The following MAGI1 variants were observed in gnomAD, a reference collection of about 807,000 sequenced individuals.
MAGI1 encodes the protein membrane-associated guanylate kinase, WW and PDZ domain-containing protein 1.
Under a neutral mutation model 139.9 loss-of-function variants are expected in MAGI1, and 58 were observed. The ratio of observed to expected loss-of-function variants is 0.41; its 90% CI spans 0.34 to 0.52. The LOEUF (loss-of-function observed/expected upper bound fraction) is 0.52, where lower values mean the gene tolerates loss of function less well. MAGI1 is among the 20% of genes least tolerant of loss of function. The pLI is 0.12. For missense variants in MAGI1, 1,874 were observed against 1,901.6 expected, an observed-to-expected ratio of 0.99 and a Z score of 0.27; for synonymous variants, 812 against 737.9, an observed-to-expected ratio of 1.10 and a Z score of -1.63.
intron 2 of MAGI1, among the ~76,000 whole-genome samples, chr3:65,501,409 G>A (rs546829502): frequency 7.0e-5 from 9 of 129,160 alleles, no homozygotes; most frequent in Non-Finnish European, 1.1e-4. Flanking sequence ...AGCTGAGATC[G>A]TGCCACTGCA....
rs72883609 is a variant in MAGI1 at position 65,382,210 on chromosome 3, C to T, written c.2509-141G>A. 29 of 647,356 alleles carry T rather than the reference C, an allele frequency of 4.5e-5. No homozygotes were observed. The African/African-American group carries it at 5.1e-4, about 11-fold the overall frequency. The allele number at this position is 647,356 out of a possible 1,614,324, so 40.1% of individuals were successfully genotyped here. ...ACATTTATTGAGCACCCACTGTGTA[C>T]AAGACATTGTGCTAAGCACTGCAAC... On this transcript the variant is annotated intron_variant, in intron 15 of 22. Transcript: ENST00000402939.
chr3:65,456,678 T>C (rs1949412364), intron 5 of MAGI1, among the ~76,000 whole-genome samples: 1 of 152,158 alleles, frequency 6.6e-6, no homozygotes, highest in South Asian at 2.1e-4. Context: ...CTGAATTATT[T>C]GGGGTTAATT....
chr3:65,957,370 A>AT (rs1239545593), intron 1 of MAGI1, among the ~76,000 whole-genome samples: 2 of 149,154 alleles, frequency 1.3e-5, no homozygotes, highest in African/African-American at 4.9e-5. Context: ...AAAAAAAAAA[A>AT]TTTAGCTGAG....
chr3:65,672,480 T>G (rs2086922366), intron 1 of MAGI1, among the ~76,000 whole-genome samples: 2 of 152,224 alleles, frequency 1.3e-5, no homozygotes, highest in South Asian at 4.1e-4. Context: ...TCACACTTAC[T>G]TTATATACCC....
At chr3:65,530,958 TA>T (rs974484451) in intron 2 of MAGI1, among the ~76,000 whole-genome samples, 2 of 150,668 alleles carry the variant, frequency 1.3e-5, no homozygotes, top group Admixed American at 1.3e-4. Flanking sequence ...GTAGTTCCCA[TA>T]AATTTCTATT....
At chr3:65,408,912 GC>G (rs1357791034) in intron 12 of MAGI1, among the ~76,000 whole-genome samples, 1 of 152,176 alleles carries the variant, frequency 6.6e-6, no homozygotes, top group African/African-American at 2.4e-5. Flanking sequence ...CTTTCACAGC[GC>G]TCACATTCTG....
At chr3:65,631,501 T>C (rs900291790) in intron 1 of MAGI1, among the ~76,000 whole-genome samples, 1 of 152,248 alleles carries the variant, frequency 6.6e-6, no homozygotes, top group African/African-American at 2.4e-5. Context: ...AAATTGTTTC[T>C]ACTTTGATTA....
chr3:65,734,853 T>TG (rs1378048725), intron 1 of MAGI1, among the ~76,000 whole-genome samples: 3 of 36,172 alleles, frequency 8.3e-5, no homozygotes. Flanking sequence ...AAGGAAATGG[T>TG]GGGGGGAGGG....
At chr3:65,577,877 G>A (rs2081242371) in intron 2 of MAGI1, among the ~76,000 whole-genome samples, 1 of 152,194 alleles carries the variant, frequency 6.6e-6, no homozygotes, top group Non-Finnish European at 1.5e-5. Flanking sequence ...AAGGCAGGCA[G>A]AATCAACCAC....
intron 1 of MAGI1, among the ~76,000 whole-genome samples, chr3:65,849,185 G>A (rs953247373): frequency 1.3e-5 from 2 of 151,308 alleles, no homozygotes; most frequent in Non-Finnish European, 2.9e-5. Context: ...CACCACGCCT[G>A]ACTAAGTTTT....
At chr3:65,775,041 A>G (rs1249137764) in intron 1 of MAGI1, among the ~76,000 whole-genome samples, 1 of 152,200 alleles carries the variant, frequency 6.6e-6, no homozygotes, top group East Asian at 1.9e-4. Context: ...TATTTTTATT[A>G]TCATCATCAT....
intron 14 of MAGI1, among the ~76,000 whole-genome samples, chr3:65,384,257 C>G (rs1367296436): frequency 6.6e-6 from 1 of 152,232 alleles, no homozygotes; most frequent in African/African-American, 2.4e-5. Flanking sequence ...TCCTCCATAT[C>G]TGTGGGTTCT....
intron 2 of MAGI1, among the ~76,000 whole-genome samples, 189 bp from the exon 3 acceptor site, chr3:65,493,820 C>T (rs1952229045): frequency 2.0e-5 from 3 of 152,152 alleles, no homozygotes; most frequent in Admixed American, 1.3e-4. Context: ...TTCTCATTTC[C>T]ACACTCTAGT....
At chr3:65,635,702 C>T (rs968558123) in intron 1 of MAGI1, among the ~76,000 whole-genome samples, 2 of 152,206 alleles carry the variant, frequency 1.3e-5, no homozygotes, top group Non-Finnish European at 2.9e-5. Context: ...CATTGGTATT[C>T]CACAGCCTTG....
At chr3:65,756,237 A>C (rs1485013918) in intron 1 of MAGI1, among the ~76,000 whole-genome samples, 1 of 152,190 alleles carries the variant, frequency 6.6e-6, no homozygotes, top group Non-Finnish European at 1.5e-5. Context: ...TTAGAGACTA[A>C]ACTCTTCTAA....
At chr3:65,943,669 G>C (rs776284780) in intron 1 of MAGI1, among the ~76,000 whole-genome samples, 1 of 151,892 alleles carries the variant, frequency 6.6e-6, no homozygotes, top group Non-Finnish European at 1.5e-5. Context: ...ATATATATGT[G>C]TGTATATAGA....
At chr3:65,889,996 A>G (rs7627613) in intron 1 of MAGI1, among the ~76,000 whole-genome samples, 1 of 152,312 alleles carries the variant, frequency 6.6e-6, no homozygotes, top group African/African-American at 2.4e-5. Flanking sequence ...TTGTTATCTT[A>G]ATGTCTACCT....
intron 2 of MAGI1, among the ~76,000 whole-genome samples, chr3:65,524,694 T>C (rs2078308087): frequency 6.6e-6 from 1 of 152,184 alleles, no homozygotes; most frequent in Admixed American, 6.5e-5. Flanking sequence ...TTATGTAGAC[T>C]CTACTGCAGA....
intron 1 of MAGI1, among the ~76,000 whole-genome samples, chr3:65,855,014 T>C (rs1425764462): frequency 6.6e-6 from 1 of 152,172 alleles, no homozygotes; most frequent in South Asian, 2.1e-4. Context: ...CAAGAGGGGA[T>C]GGATGGTGCT....
Sources: gnomAD v4.1 joint callset for allele counts (sites outside exome capture counted in the v4.1 genomes callset) on GRCh38, gnomAD v4.1.1 for gene constraint, MANE v1.5 for transcripts, NCBI Gene and HGNC (gene_info 2026-07-23, HGNC 2026-07-21) for gene names.